Variants in ZNF687 observed in about 807,000 individuals in gnomAD.
ZNF687 encodes zinc finger protein 687.
In ZNF687, 13 loss-of-function variants were observed where a neutral mutation model predicts 71.8. The observed-to-expected ratio is 0.18, with a 90% confidence interval of 0.12 to 0.29. The LOEUF (loss-of-function observed/expected upper bound fraction) is 0.29. ZNF687 is among the 10% of genes least tolerant of loss of function. ZNF687 has a pLI of 1.00. For missense variants in ZNF687, 1,412 were observed against 1,625.6 expected (o/e 0.87, Z 2.26); for synonymous variants, 673 against 641.6 (o/e 1.05, Z -0.74).
intron 5 of ZNF687, 49 bp from the exon 6 acceptor site, chr1:151,289,629 T>C: frequency 6.2e-7 from 1 of 1,601,458 alleles, no homozygotes; most frequent in Non-Finnish European, 8.5e-7. Flanking sequence ...GGCTTTGGCA[T>C]AGCCAGGCCC....
Position 151,290,496 on chromosome 1 carries a change from C to T in ZNF687, c.3142C>T (p.Arg1048Trp), listed in dbSNP as rs777180312. ...RLILEKHVQV[R>W]HGLQLGAQSP... ...GATCCTAGAGAAACATGTCCAGGTC[C>T]GGCACGGCTTGCAGCTTGGGGCCCA... is the stretch of plus-strand genomic sequence containing the variant. The change falls in exon 8 of 9, where the codon CGG (arginine) becomes TGG (tryptophan). Residue 1048 changes from arginine to tryptophan, a missense_variant. Physicochemically the swap from Arg to Trp is moderately radical, Grantham distance 101 (BLOSUM62 -3). Around this residue, in one of 8 missense-constraint regions of ZNF687, gnomAD observed 284 missense variants for 359.2 expected, o/e 0.79. Coordinates refer to ENST00000336715, the MANE Select transcript of ZNF687 (RefSeq NM_020832.3). 7.4e-6 allele frequency: 12 copies of T among 1,613,860 alleles called. No homozygotes were observed. Among genetic ancestry groups the T allele is most frequent in the African/African-American group, 2.7e-5 (2 of 74,938 alleles).
rs750990156 is a variant in ZNF687 at position 151,288,028 on chromosome 1, C to T, written c.1737C>T (p.Leu579=). Residue 579 remains leucine, a synonymous_variant, in exon 2 of 9, where the codon CTC becomes CTT. Transcript: ENST00000336715. ...RLVFFNKCSL[L]LHAREHKDKG... is the part of the protein sequence containing the mutation. ...TCTTCTTCAACAAGTGCAGCCTGCT[C>T]CTGCATGCACGTGAACACAAGGACA... 3.1e-6 allele frequency: 5 copies of T among 1,614,088 alleles called. No individual in the cohort carries two copies. The highest frequency in any genetic ancestry group is 3.4e-6 in the Non-Finnish European group (4 of 1,180,030).
chr1:151,287,256 C>G lies in ZNF687; in HGVS notation c.965C>G (p.Ser322Cys). The G allele has an allele frequency of 6.2e-7, 1 of 1,614,170 alleles. No homozygotes were observed. The highest frequency in any genetic ancestry group is 2.2e-5 in the East Asian group (1 of 44,896). The change falls in exon 2 of 9, where the codon TCC (serine) becomes TGC (cysteine). Residue 322 changes from serine to cysteine, a missense_variant. Physicochemically the swap from Ser to Cys is moderately radical, Grantham distance 112. Transcript: ENST00000336715. This position sits in a 1 kb window ranked among gnomAD's most constrained non-coding sequence, Gnocchi z 5.0. Reference protein sequence around the residue: ...ADEDSNDSPASSSSRPLKVRI... With the variant: ...ADEDSNDSPACSSSRPLKVRI... ...GAGGACAGCAATGACTCCCCTGCCTCCAGCTCCTCTAGGCCTCTTAAGGTG... is the reference window on the plus strand; with the variant it reads ...GAGGACAGCAATGACTCCCCTGCCTGCAGCTCCTCTAGGCCTCTTAAGGTG...
Position 151,286,580 on chromosome 1 carries a change from G to A in ZNF687, c.289G>A (p.Ala97Thr), listed in dbSNP as rs772297431. Residue 97 changes from alanine to threonine, a missense_variant, in exon 2 of 9, where the codon GCC becomes ACC. Coordinates refer to ENST00000336715, the MANE Select transcript of ZNF687 (RefSeq NM_020832.3). Reference sequence around the variant, plus strand: ...CACTGTGTGTCCCGAGCAGTCTGAGGCCCTGGCTGGAGGCTCAGCAGGAGA... The same window carrying A: ...CACTGTGTGTCCCGAGCAGTCTGAGACCCTGGCTGGAGGCTCAGCAGGAGA... ...KNTVCPEQSE[A>T]LAGGSAGDGA... is the part of the protein sequence containing the mutation. 6.2e-7 allele frequency: 1 copy of A among 1,614,208 alleles called. No individual in the cohort carries two copies. The highest frequency in any genetic ancestry group is 1.1e-5 in the South Asian group (1 of 91,086).
rs775733044 is a variant in ZNF687, at chr1:151,289,886, T to C, written c.2843T>C (p.Leu948Pro). 9.2e-5 allele frequency: 144 copies of C among 1,561,758 alleles called. No homozygotes were observed. Among genetic ancestry groups the C allele is most frequent in the Non-Finnish European group, 1.2e-4 (139 of 1,152,170 alleles). ...CCAGCCAAACGGCCTCGGCGGGAAC[T>C]AGGGAGCAAAGGCCTCAAGGGTGGG... ...PRPAKRPRRE[L>P]GSKGLKGGGG... Residue 948 changes from leucine to proline, a missense_variant, in exon 6 of 9, where the codon CTA (leucine) becomes CCA (proline). This residue lies in a region of ZNF687 where 135 missense variants were observed against 104.1 expected (regional missense o/e 1.30). Transcript: ENST00000336715.
Position 151,287,899 on chromosome 1 carries a change from G to C in ZNF687, c.1608G>C (p.Leu536=). The change falls in exon 2 of 9, where the codon CTG becomes CTC. Residue 536 remains leucine (L), a synonymous_variant. Coordinates refer to ENST00000336715, the MANE Select transcript of ZNF687 (RefSeq NM_020832.3). The surrounding 1 kb of genome is among the most constrained non-coding windows in gnomAD (Gnocchi z 5.0). The part of the protein sequence containing the change: ...LALPPTGYRC[L]ECGDAFSLEK... ...TGCCTCCCACCGGCTACCGCTGCCT[G>C]GAGTGTGGGGATGCCTTCTCATTGG... The C allele has an allele frequency of 6.2e-7, 1 of 1,613,916 alleles. No homozygotes were observed. Among genetic ancestry groups the C allele is most frequent in the Non-Finnish European group, 8.5e-7 (1 of 1,180,052 alleles).
chr1:151,282,680 A>T (rs1045905808), intron 1 of ZNF687, among the ~76,000 whole-genome samples: 4 of 151,888 alleles, frequency 2.6e-5, no homozygotes, highest in Admixed American at 2.6e-4. Flanking sequence ...CGGCCCGGAG[A>T]TTGAAGGCTG....
At chr1:151,290,042 G>A in intron 6 of ZNF687, 35 bp downstream of exon 6, 2 of 1,603,940 alleles carry the variant, frequency 1.2e-6, no homozygotes, top group Non-Finnish European at 1.7e-6. Flanking sequence ...CATGGGCTGG[G>A]GGCAGCATTG....
At position 151,291,029 on chromosome 1, in the gene ZNF687, G is replaced by A. The variant is rs766949555; in HGVS notation, c.3534G>A (p.Glu1178=). The A allele has an allele frequency of 1.2e-6, 2 of 1,613,852 alleles. No individual in the cohort carries two copies. The highest frequency in any genetic ancestry group is 3.3e-5 in the Admixed American group (2 of 60,026). The change falls in exon 9 of 9, where the codon GAG becomes GAA. Residue 1178 remains glutamate (E), a synonymous_variant. Transcript: ENST00000336715. ...TGGGGCTGGGGGATGGGGAGGAAGA[G>A]GCCCCTCCATCAAGGTCTGACCCCG... ...SALGLGDGEE[E]APPSRSDPDG...
At position 151,286,506 on chromosome 1, in the gene ZNF687, A is replaced by G. The variant is rs750410440; in HGVS notation, c.215A>G (p.His72Arg). 5.6e-6 allele frequency: 9 copies of G among 1,614,130 alleles called. No individual in the cohort carries two copies. Among genetic ancestry groups the G allele is most frequent in the East Asian group, 2.2e-5 (1 of 44,858 alleles). ...GPGVPAQASD[H>R]GLPPPDISVV... ...GGAGTTCCAGCCCAGGCCTCTGACC[A>G]TGGCCTGCCACCGCCAGACATTTCT... Residue 72 changes from histidine to arginine, a missense_variant, in exon 2 of 9, where the codon CAT (histidine) becomes CGT (arginine). His to Arg is a conservative substitution (Grantham distance 29). This residue lies in a region of ZNF687 where 490 missense variants were observed against 489.9 expected (regional missense o/e 1.00). Transcript: ENST00000336715.
At chr1:151,288,913 C>T (rs1458798498) in intron 3 of ZNF687, among the ~76,000 whole-genome samples, 182 bp from the exon 4 acceptor site, 1 of 152,226 alleles carries the variant, frequency 6.6e-6, no homozygotes, top group African/African-American at 2.4e-5. Flanking sequence ...AGCTCCAGCT[C>T]TCCCTTGGCA....
rs1694183586 is a variant in ZNF687 at position 151,290,527 on chromosome 1, C to T, written c.3173C>T (p.Pro1058Leu). The T allele has an allele frequency of 6.2e-7, 1 of 1,613,918 alleles. No individual in the cohort carries two copies. The highest frequency in any genetic ancestry group is 2.2e-5 in the East Asian group (1 of 44,886). Residue 1058 changes from proline (P) to leucine (L), a missense_variant, in exon 8 of 9, where the codon CCT becomes CTT. By Grantham distance (98) the Pro-to-Leu change is moderately conservative (BLOSUM62 -3). Transcript: ENST00000336715. ...GGCTTGCAGCTTGGGGCCCAGTCCC[C>T]TGGCCGGGGGACCACCTTGGCTCGG... ...RHGLQLGAQSPGRGTTLARGS... is the reference protein window; with the variant it reads ...RHGLQLGAQSLGRGTTLARGS...
intron 8 of ZNF687, 65 bp downstream of exon 8, chr1:151,290,638 GC>G: frequency 6.3e-7 from 1 of 1,581,650 alleles, no homozygotes. Flanking sequence ...AGAGACCATG[GC>G]CTCAGGAAGC....
upstream of ZNF687, chr1:151,282,177 G>T: frequency 1.8e-6 from 2 of 1,130,500 alleles, no homozygotes; most frequent in Non-Finnish European, 2.2e-6. Flanking sequence ...CCAGTGCGGG[G>T]CTGGAAGGGG....
intron 1 of ZNF687, chr1:151,283,853 C>G (rs1693836297): frequency 2.0e-6 from 2 of 985,266 alleles, no homozygotes; most frequent in African/African-American, 3.5e-5. Context: ...GGGACTGTCT[C>G]TAGTTACAGT....
rs779756607 is a variant in ZNF687, at chr1:151,291,841, TAACA to T, written c.*637_*640del. On this transcript the variant is annotated 3_prime_UTR_variant, in exon 9 of 9. Coordinates refer to ENST00000336715, the MANE Select transcript of ZNF687 (RefSeq NM_020832.3). ...TTTATTCTTGTAGTAATAATAATAC[TAACA>T]AACAGTTGGGGAACTAGGGAGAAAA... 1 of 152,512 alleles carries T rather than the reference TAACA, an allele frequency of 6.6e-6. No homozygotes were observed. The highest frequency in any genetic ancestry group is 2.1e-4 in the South Asian group (1 of 4,834). 9.4% of individuals were successfully genotyped at this position (152,512 alleles called of 1,614,324 possible).
chr1:151,282,192 G>T, upstream of ZNF687: 1 of 1,079,946 alleles, frequency 9.3e-7, no homozygotes, highest in African/African-American at 1.7e-5. Context: ...AAGGGGCACA[G>T]GGCTGAGCGA....
chr1:151,290,792 C>T lies in ZNF687; in HGVS notation c.3297C>T (p.Ser1099=). ...ACAGCACGACACCGCCAGCCAAGTC[C>T]CCCAGGGGCGGACCTGGATCTGGAG... ...EPDSTTPPAK[S]PRGGPGSGGH... is the part of the protein sequence containing the mutation. The change falls in exon 9 of 9, where the codon TCC becomes TCT. Residue 1099 remains serine (S), a synonymous_variant. Coordinates refer to ENST00000336715, the MANE Select transcript of ZNF687 (RefSeq NM_020832.3). The T allele has an allele frequency of 6.2e-7, 1 of 1,613,820 alleles. No homozygotes were observed. Among genetic ancestry groups the T allele is most frequent in the Non-Finnish European group, 8.5e-7 (1 of 1,179,996 alleles).
Position 151,287,567 on chromosome 1 carries a change from C to G in ZNF687, c.1276C>G (p.Leu426Val), listed in dbSNP as rs1343072704. The change falls in exon 2 of 9, where the codon CTG becomes GTG. Residue 426 changes from leucine (L) to valine (V), a missense_variant. This residue lies in a region of ZNF687 where 133 missense variants were observed against 155.1 expected (regional missense o/e 0.86). Coordinates refer to ENST00000336715, the MANE Select transcript of ZNF687 (RefSeq NM_020832.3). This position sits in a 1 kb window ranked among gnomAD's most constrained non-coding sequence, Gnocchi z 5.0. ...AASVARKAVV[L>V]PGGTATSPKM... is the part of the protein sequence containing the mutation. Reference sequence around the variant, plus strand: ...CAGTGTGGCTCGCAAGGCTGTGGTGCTGCCTGGGGGGACTGCCACCAGCCC... The same window carrying G: ...CAGTGTGGCTCGCAAGGCTGTGGTGGTGCCTGGGGGGACTGCCACCAGCCC... The G allele has an allele frequency of 6.2e-7, 1 of 1,614,026 alleles. No individual in the cohort carries two copies. Among genetic ancestry groups the G allele is most frequent in the East Asian group, 2.2e-5 (1 of 44,860 alleles).
Sources: allele counts gnomAD v4.1 joint callset (sites outside exome capture counted in the v4.1 genomes callset), GRCh38; gene constraint gnomAD v4.1.1; regional missense constraint gnomAD v4.1.1; non-coding constraint Gnocchi (gnomAD v3.1); transcripts MANE v1.5; gene names NCBI Gene and HGNC (gene_info 2026-07-23, HGNC 2026-07-21).